Variants in MSI2 observed in about 807,000 individuals in gnomAD.
The protein encoded by MSI2 is musashi RNA binding protein 2, also known as RNA-binding protein Musashi homolog 2.
Under a neutral mutation model 45.6 loss-of-function variants are expected in MSI2, and 17 were observed. The ratio of observed to expected loss-of-function variants is 0.37; its 90% CI spans 0.26 to 0.56. MSI2 has a LOEUF of 0.56. Ranked by LOEUF, MSI2 falls within the 20% of genes least tolerant of loss-of-function variation. MSI2 has a pLI of 0.77. For synonymous variants in MSI2, 156 were observed against 158.2 expected (o/e 0.99, Z 0.11); for missense variants, 293 against 444.2 (o/e 0.66, Z 3.06).
chr17:57,534,483 G>A (rs917890105), intron 7 of MSI2, among the ~76,000 whole-genome samples: 1 of 152,248 alleles, frequency 6.6e-6, no homozygotes, highest in Non-Finnish European at 1.5e-5. Flanking sequence ...AGGCCGAGGC[G>A]GGTGGATCAC....
chr17:57,322,732 T>G (rs1913453776), intron 5 of MSI2, among the ~76,000 whole-genome samples: 1 of 152,214 alleles, frequency 6.6e-6, no homozygotes, highest in South Asian at 2.1e-4. Context: ...TCTCTTCTCC[T>G]GAAAGGCTCT....
chr17:57,622,258 G>A (rs567401484), intron 9 of MSI2, among the ~76,000 whole-genome samples: 40 of 152,332 alleles, frequency 2.6e-4, no homozygotes, highest in African/African-American at 7.5e-4. Flanking sequence ...TTGCGGCACC[G>A]CACCAAGAGG....
chr17:57,553,218 T>C (rs1417006814), intron 7 of MSI2, among the ~76,000 whole-genome samples: 1 of 152,176 alleles, frequency 6.6e-6, no homozygotes, highest in Non-Finnish European at 1.5e-5. Flanking sequence ...ACTAGGCTCA[T>C]GGGCACAGAG....
chr17:57,420,216 T>C (rs11079299), intron 6 of MSI2, among the ~76,000 whole-genome samples: 106,967 of 152,092 alleles, frequency 0.7, 38,257 homozygotes, highest in South Asian at 0.87. Flanking sequence ...CAGGCCACCC[T>C]CCAGCAAGGT....
chr17:57,364,888 A>G (rs992417900), intron 5 of MSI2: 3 of 151,598 alleles, frequency 2.0e-5, no homozygotes, highest in Admixed American at 6.6e-5. Context: ...TGGGTTATTT[A>G]TTTATTCATT....
In MSI2 at chr17:57,261,435, C is replaced by G. The variant is rs541129661; in HGVS notation, c.271-716C>G. On this transcript the variant is annotated intron_variant, in intron 4 of 13. Coordinates refer to ENST00000284073, the MANE Select transcript of MSI2 (RefSeq NM_138962.4). Reference sequence around the variant, plus strand: ...TTTAGGTTGCTTATAGATTTTTACTCCCTGTTGTTTTTAAAATCCAGGTGG... The same window carrying G: ...TTTAGGTTGCTTATAGATTTTTACTGCCTGTTGTTTTTAAAATCCAGGTGG... Among the ~76,000 whole-genome samples the G allele has an allele frequency of 2.0e-5, 3 of 151,766 alleles. No individual in the cohort carries two copies. The South Asian group carries it at 6.2e-4, about 32-fold the overall frequency.
chr17:57,276,054 T>C (rs1482399372), intron 5 of MSI2, among the ~76,000 whole-genome samples: 2 of 152,196 alleles, frequency 1.3e-5, no homozygotes, highest in Admixed American at 1.3e-4. Context: ...ACCAGTTTTC[T>C]ACTGGTTTAT....
chr17:57,555,340 G>A (rs940636526), intron 7 of MSI2, among the ~76,000 whole-genome samples: 1 of 152,168 alleles, frequency 6.6e-6, no homozygotes, highest in African/African-American at 2.4e-5. Context: ...CCATTTAGAG[G>A]GATCTTTCTG....
chr17:57,292,503 A>T (rs1397927683), intron 5 of MSI2, among the ~76,000 whole-genome samples: 10 of 152,072 alleles, frequency 6.6e-5, no homozygotes, highest in Non-Finnish European at 1.2e-4. Context: ...GGGTACCTGG[A>T]GGAAGGGTGG....
At chr17:57,620,524 G>A (rs1344321232) in intron 9 of MSI2, among the ~76,000 whole-genome samples, 1 of 152,224 alleles carries the variant, frequency 6.6e-6, no homozygotes, top group Non-Finnish European at 1.5e-5. Context: ...GCTGGGAGTT[G>A]TTATTAACAA....
chr17:57,599,607 G>A (rs1905639310), intron 8 of MSI2, among the ~76,000 whole-genome samples: 2 of 152,308 alleles, frequency 1.3e-5, no homozygotes, highest in South Asian at 4.2e-4. Flanking sequence ...CTTTGAATCT[G>A]GGGCTAGTAC....
At chr17:57,454,878 G>A (rs1296080353) in intron 6 of MSI2, among the ~76,000 whole-genome samples, 2 of 152,210 alleles carry the variant, frequency 1.3e-5, no homozygotes, top group African/African-American at 4.8e-5. Context: ...TCTGGCTAGG[G>A]AAGAGGGGTG....
At chr17:57,334,904 T>A (rs1372416138) in intron 5 of MSI2, among the ~76,000 whole-genome samples, 1 of 151,318 alleles carries the variant, frequency 6.6e-6, no homozygotes, top group Non-Finnish European at 1.5e-5. Context: ...GACTCTGAAC[T>A]ATGAATTTAA....
At chr17:57,378,357 G>T (rs918527997) in intron 5 of MSI2, among the ~76,000 whole-genome samples, 1 of 151,694 alleles carries the variant, frequency 6.6e-6, no homozygotes, top group Admixed American at 6.6e-5. Flanking sequence ...TCCGCCTCCC[G>T]GGTTGAAGCA....
intron 5 of MSI2, among the ~76,000 whole-genome samples, chr17:57,364,136 C>T (rs985343458): frequency 1.2e-4 from 19 of 152,078 alleles, no homozygotes; most frequent in African/African-American, 3.4e-4. Context: ...GTTTGGTAAC[C>T]GTCTGGGATT....
At chr17:57,536,304 A>G (rs555120334) in intron 7 of MSI2, among the ~76,000 whole-genome samples, 1 of 152,316 alleles carries the variant, frequency 6.6e-6, no homozygotes, top group East Asian at 1.9e-4. Context: ...GGATGGAGGA[A>G]TAAGTGTATT....
chr17:57,410,096 A>T (rs1044231920), intron 6 of MSI2, among the ~76,000 whole-genome samples: 1 of 150,812 alleles, frequency 6.6e-6, no homozygotes, highest in African/African-American at 2.4e-5. Context: ...TAGGGAGAAG[A>T]CCTGGGCAGG....
chr17:57,646,137 C>G (rs1910639631), intron 10 of MSI2, among the ~76,000 whole-genome samples: 1 of 152,214 alleles, frequency 6.6e-6, no homozygotes, highest in Non-Finnish European at 1.5e-5. Context: ...GGGGAAGACT[C>G]TGGGCTAGGT....
intron 5 of MSI2, 95 bp from the exon 6 acceptor site, chr17:57,401,284 A>G (rs2083985206): frequency 2.0e-6 from 2 of 1,023,440 alleles, no homozygotes; most frequent in East Asian, 2.4e-5. Flanking sequence ...TTGCCTTCCT[A>G]GAGAAATGTG....
Sources: gnomAD v4.1 joint callset for allele counts (sites outside exome capture counted in the v4.1 genomes callset) on GRCh38, gnomAD v4.1.1 for gene constraint, MANE v1.5 for transcripts, NCBI Gene and HGNC (gene_info 2026-07-23, HGNC 2026-07-21) for gene names.